Variants in ENKUR observed in about 807,000 individuals in gnomAD.
ENKUR encodes the protein enkurin.
Under a neutral mutation model 27.6 loss-of-function variants are expected in ENKUR, and 19 were observed. That is an observed-to-expected ratio of 0.69 (90% confidence interval 0.48 to 1.01). The LOEUF (loss-of-function observed/expected upper bound fraction) is 1.01, where lower values mean the gene tolerates loss of function less well. Ranked by LOEUF, ENKUR falls within the 50% of genes least tolerant of loss-of-function variation. The pLI, the probability that ENKUR is intolerant of heterozygous loss-of-function variation, is 0.00. For synonymous variants in ENKUR, 117 were observed against 96.9 expected (o/e 1.21, Z -1.22); for missense variants, 312 against 310.5 (o/e 1.00, Z -0.04).
intron 2 of ENKUR, among the ~76,000 whole-genome samples, chr10:25,060,037 G>A (rs1362128111): frequency 2.6e-5 from 4 of 152,170 alleles, no homozygotes; most frequent in African/African-American, 7.2e-5. Context: ...TCCCAGGTGA[G>A]TGGTTGTCTA....
chr10:25,035,575 G>A (rs1314722711), intron 2 of ENKUR, among the ~76,000 whole-genome samples: 4 of 150,820 alleles, frequency 2.7e-5, no homozygotes, highest in East Asian at 2.0e-4. Context: ...AAAAAAAAGT[G>A]TAAATTTATT....
intron 2 of ENKUR, 128 bp from the exon 3 acceptor site, chr10:24,995,997 G>T: frequency 1.4e-6 from 1 of 736,352 alleles, no homozygotes; most frequent in Non-Finnish European, 2.0e-6. Context: ...AAATATTTAA[G>T]ATAGAAGTTT....
intron 2 of ENKUR, among the ~76,000 whole-genome samples, chr10:25,054,492 T>TCTTTCTTTCTTTCTTTC (rs1851226492): frequency 6.3e-5 from 8 of 127,782 alleles, no homozygotes; most frequent in South Asian, 5.8e-4. Context: ...TTTCTTTCTT[T>TCTTTCTTTCTTTCTTTC]CTTTCTTTCT....
chr10:25,054,159 G>A (rs1374124708), intron 2 of ENKUR, among the ~76,000 whole-genome samples: 2 of 152,230 alleles, frequency 1.3e-5, no homozygotes, highest in African/African-American at 4.8e-5. Flanking sequence ...GGTGGCGCAC[G>A]CCTATAATCC....
In ENKUR at chr10:24,990,526, C is replaced by T. The variant is rs139648125; in HGVS notation, c.531G>A (p.Gln177=). The part of the protein sequence containing the change: ...KAQEDYDRYI[Q]ENLKKAAMKR... ...TCATAGCTGCTTTCTTAAGGTTTTCCTGGATATAACGATCATAGTCTTCTT... is the reference window on the plus strand; with the variant it reads ...TCATAGCTGCTTTCTTAAGGTTTTCTTGGATATAACGATCATAGTCTTCTT... The change falls in exon 4 of 6, where the codon CAG becomes CAA. Residue 177 remains glutamine (Q), a synonymous_variant. Transcript: ENST00000331161. 6.2e-7 allele frequency: 1 copy of T among 1,614,004 alleles called. No individual in the cohort carries two copies. The highest frequency in any genetic ancestry group is 1.7e-4 in the Middle Eastern group (1 of 6,060).
intron 1 of ENKUR, among the ~76,000 whole-genome samples, chr10:25,000,637 C>A (rs1850168669): frequency 6.6e-6 from 1 of 152,056 alleles, no homozygotes; most frequent in South Asian, 2.1e-4. Context: ...AATCAAGCAT[C>A]CCTTTGATTT....
chr10:25,024,074 T>G (rs756306235), intron 2 of ENKUR: 1 of 1,614,162 alleles, frequency 6.2e-7, no homozygotes, highest in Non-Finnish European at 8.5e-7. Flanking sequence ...AAAAGCCTAG[T>G]AGGAGCAACC....
intron 2 of ENKUR, chr10:25,024,544 C>T: frequency 6.2e-7 from 1 of 1,614,118 alleles, no homozygotes; most frequent in Non-Finnish European, 8.5e-7. Flanking sequence ...TGATTTTTGC[C>T]AGACAGCTAT....
intron 2 of ENKUR, among the ~76,000 whole-genome samples, chr10:25,029,330 A>T (rs1423926192): frequency 6.6e-6 from 1 of 152,154 alleles, no homozygotes; most frequent in Non-Finnish European, 1.5e-5. Flanking sequence ...GGGAATTTGT[A>T]AGATATTTGA....
rs537730580 is a variant in ENKUR, at chr10:25,049,340, G to A, written c.37+11772C>T. Among the ~76,000 whole-genome samples, 3 of 152,256 alleles carry A rather than the reference G, an allele frequency of 2.0e-5. No homozygotes were observed. In the East Asian group the frequency reaches 5.8e-4, roughly 29 times the overall value. On this transcript the variant is annotated intron_variant, in intron 2 of 5. Transcript: ENST00000615958. ...TGATAAACAAAATGGCCAATTTCAG[G>A]AGGTAATAAGTGAACAGAATTTGGA...
intron 2 of ENKUR, among the ~76,000 whole-genome samples, chr10:25,040,591 C>G (rs1851052672): frequency 6.6e-6 from 1 of 152,032 alleles, no homozygotes; most frequent in Non-Finnish European, 1.5e-5. Flanking sequence ...AGGATGGTCT[C>G]GATCTCCTGA....
chr10:24,990,750 G>C, intron 3 of ENKUR, 141 bp from the exon 4 acceptor site: 1 of 843,656 alleles, frequency 1.2e-6, no homozygotes, highest in East Asian at 2.8e-5. Flanking sequence ...ACAAAATTCA[G>C]TGACTTTTTT....
At chr10:25,025,211 C>T in intron 2 of ENKUR, 2 of 1,614,186 alleles carry the variant, frequency 1.2e-6, no homozygotes, top group South Asian at 1.1e-5. Context: ...GTGATTATCT[C>T]ATCTACAGCC....
chr10:25,041,118 A>G lies in ENKUR; in HGVS notation c.37+19994T>C, dbSNP rs143306481. ...TGTACATTTTAGTCACTTTTTTTTC[A>G]TTTATTCACGACCAATTCCTAGCAG... On this transcript the variant is annotated intron_variant, in intron 2 of 5. Coordinates refer to the ENKUR transcript ENST00000615958. 3.8e-3 allele frequency among the ~76,000 whole-genome samples: 577 copies of G among 152,082 alleles called. 8 individuals carry two copies. In the South Asian group the frequency reaches 0.043, roughly 11 times the overall value.
chr10:25,005,772 T>A (rs1034933371), intron 1 of ENKUR, among the ~76,000 whole-genome samples: 32 of 152,248 alleles, frequency 2.1e-4, no homozygotes, highest in African/African-American at 7.5e-4. Flanking sequence ...ATAGCTCTGA[T>A]CTGCACTTAC....
Position 25,061,030 on chromosome 10 carries a change from T to G in ENKUR, c.37+82A>C, listed in dbSNP as rs1308283607. ...GGCCTGGCCCTTATGTTTCTTTAGA[T>G]GAGACAAGGATATCTCTAAGGCCCC... On this transcript the variant is annotated intron_variant, in intron 2 of 5. Coordinates refer to the ENKUR transcript ENST00000615958. 4 of 1,355,606 alleles carry G rather than the reference T, an allele frequency of 3.0e-6. No homozygotes were observed. In the East Asian group the frequency reaches 1.0e-4, roughly 34 times the overall value. The allele number at this position is 1,355,606 out of a possible 1,614,324, so 84.0% of individuals were successfully genotyped here.
intron 1 of ENKUR, among the ~76,000 whole-genome samples, chr10:25,006,378 C>A (rs1850314374): frequency 6.6e-6 from 1 of 152,132 alleles, no homozygotes; most frequent in Non-Finnish European, 1.5e-5. Flanking sequence ...TGGCAGCACA[C>A]CGAGAACATT....
intron 2 of ENKUR, chr10:25,025,509 CAA>C: frequency 4.7e-6 from 7 of 1,496,520 alleles, no homozygotes; most frequent in Non-Finnish European, 6.3e-6. Flanking sequence ...TAATAAATCT[CAA>C]ACACTGATTT....
intron 2 of ENKUR, chr10:25,061,008 C>A: frequency 8.9e-7 from 1 of 1,119,376 alleles, no homozygotes; most frequent in Non-Finnish European, 1.3e-6. Context: ...GCCACTGGGC[C>A]TGGCCCTTAT....
Sources: allele counts gnomAD v4.1 joint callset (sites outside exome capture counted in the v4.1 genomes callset), GRCh38; gene constraint gnomAD v4.1.1; transcripts MANE v1.5; gene names NCBI Gene and HGNC (gene_info 2026-07-23, HGNC 2026-07-21).